Variants in CACNA2D3 observed in about 807,000 individuals in gnomAD.
The protein encoded by CACNA2D3 is calcium voltage-gated channel auxiliary subunit alpha2delta 3.
Under a neutral mutation model 160.6 loss-of-function variants are expected in CACNA2D3, and 60 were observed. That is an observed-to-expected ratio of 0.37 (90% CI 0.30 to 0.46). The LOEUF (loss-of-function observed/expected upper bound fraction) is 0.46. Ranked by LOEUF, CACNA2D3 falls within the 20% of genes least tolerant of loss-of-function variation. The probability of loss-of-function intolerance (pLI) is 1.00; values close to 1 mark genes in which losing one functional copy is unlikely to be tolerated. For missense variants in CACNA2D3, 1,205 were observed against 1,365.0 expected, an observed-to-expected ratio of 0.88 and a Z score of 1.85; for synonymous variants, 558 against 492.9, an observed-to-expected ratio of 1.13 and a Z score of -1.75.
intron 35 of CACNA2D3, among the ~76,000 whole-genome samples, chr3:55,023,189 C>T (rs1703497474): frequency 6.6e-6 from 1 of 152,046 alleles, no homozygotes; most frequent in Non-Finnish European, 1.5e-5. Context: ...TAGCCTTGTA[C>T]CTTTGTAGGT....
intron 2 of CACNA2D3, among the ~76,000 whole-genome samples, chr3:54,241,717 G>A (rs1353681011): frequency 6.6e-6 from 1 of 152,216 alleles, no homozygotes; most frequent in African/African-American, 2.4e-5. Flanking sequence ...TAGGTTGCCA[G>A]TGTAGGATAG....
intron 35 of CACNA2D3, among the ~76,000 whole-genome samples, chr3:55,033,389 G>C (rs1250567328): frequency 6.6e-6 from 1 of 151,898 alleles, no homozygotes; most frequent in African/African-American, 2.4e-5. Context: ...CTCTCCTCTA[G>C]AGGAGCAACC....
chr3:55,057,752 C>T (rs1704400390), intron 35 of CACNA2D3, among the ~76,000 whole-genome samples: 1 of 152,176 alleles, frequency 6.6e-6, no homozygotes, highest in South Asian at 2.1e-4. Context: ...CCTGTTATCT[C>T]CCACCTCCAT....
chr3:54,307,662 G>A (rs1227814102), intron 2 of CACNA2D3, among the ~76,000 whole-genome samples: 1 of 152,188 alleles, frequency 6.6e-6, no homozygotes, highest in Non-Finnish European at 1.5e-5. Context: ...TCATTCAGAT[G>A]CAGGTTCCTA....
chr3:54,437,237 C>T (rs536389007), intron 4 of CACNA2D3, among the ~76,000 whole-genome samples: 29 of 152,290 alleles, frequency 1.9e-4, no homozygotes, highest in South Asian at 1.9e-3. Context: ...AATGAGCCGT[C>T]GTAACGACTG....
At chr3:54,505,406 A>ACT in intron 5 of CACNA2D3, among the ~76,000 whole-genome samples, 1 of 152,098 alleles carries the variant, frequency 6.6e-6, no homozygotes, top group East Asian at 1.9e-4. Context: ...CCTCTTAGAG[A>ACT]AAGTGATGTG....
chr3:55,025,299 A>G lies in CACNA2D3; in HGVS notation c.2987+6982A>G, dbSNP rs776909320. ...ATTGCATTCCTGCTGTGGTCTAGAAACTGTGCTGGTGCTTTGGGGAATGCC... is the reference window on the plus strand; with the variant it reads ...ATTGCATTCCTGCTGTGGTCTAGAAGCTGTGCTGGTGCTTTGGGGAATGCC... On this transcript the variant is annotated intron_variant, in intron 35 of 37. Transcript: ENST00000474759. Among the ~76,000 whole-genome samples, 8 of 152,164 alleles carry G rather than the reference A, an allele frequency of 5.3e-5. No individual in the cohort carries two copies. In the East Asian group the frequency reaches 1.5e-3, roughly 29 times the overall value.
chr3:55,065,660 A>G (rs1704617921), intron 35 of CACNA2D3, among the ~76,000 whole-genome samples: 1 of 150,792 alleles, frequency 6.6e-6, no homozygotes, highest in Non-Finnish European at 1.5e-5. Context: ...GAGCAAGACC[A>G]TGTCGAAAGA....
At chr3:54,797,672 T>A (rs1575480354) in intron 13 of CACNA2D3, among the ~76,000 whole-genome samples, 1 of 152,198 alleles carries the variant, frequency 6.6e-6, no homozygotes, top group African/African-American at 2.4e-5. Flanking sequence ...TTAAAGCACC[T>A]TACTGATTGT....
chr3:54,906,170 A>G (rs1253644188), intron 27 of CACNA2D3, among the ~76,000 whole-genome samples: 3 of 152,124 alleles, frequency 2.0e-5, no homozygotes, highest in Non-Finnish European at 4.4e-5. Context: ...TTTGTGTGGC[A>G]GATACACACA....
At position 54,822,803 on chromosome 3, in the gene CACNA2D3, C is replaced by CT. The variant is rs1460899428; in HGVS notation, c.1398+5936dup. 2.7e-3 allele frequency among the ~76,000 whole-genome samples: 212 copies of CT among 78,790 alleles called. 5 individuals are homozygous for CT. The highest frequency in any genetic ancestry group is 0.011 in the African/African-American group (197 of 17,902). 51.7% of individuals were successfully genotyped at this position (78,790 alleles called of 152,430 possible). A position where few individuals can be genotyped will look rare whatever the true frequency, so the allele number is the denominator to read the frequency against. On this transcript the variant is annotated intron_variant, in intron 14 of 37. Transcript: ENST00000474759. ...CTTTCTTTCTTTCCTTTCTTTCTTT[C>CT]TTTCTTTCTTTCTTTCTTTCTTTCT...
At chr3:54,813,500 A>G (rs1233415806) in intron 13 of CACNA2D3, among the ~76,000 whole-genome samples, 3 of 152,162 alleles carry the variant, frequency 2.0e-5, no homozygotes, top group Non-Finnish European at 2.9e-5. Context: ...TCTAGCAGAT[A>G]TATTTTTCTC....
chr3:54,643,226 C>T (rs567231522), intron 11 of CACNA2D3, among the ~76,000 whole-genome samples: 4 of 152,288 alleles, frequency 2.6e-5, no homozygotes, highest in African/African-American at 4.8e-5. Flanking sequence ...TAAAAAGAAA[C>T]GGGAGACAAA....
intron 21 of CACNA2D3, among the ~76,000 whole-genome samples, chr3:54,881,604 G>A (rs1042742755): frequency 3.9e-5 from 6 of 152,170 alleles, no homozygotes; most frequent in Non-Finnish European, 5.9e-5. Context: ...AGGGGTGGTG[G>A]ACATTGTTTC....
chr3:54,888,705 G>A lies in CACNA2D3; in HGVS notation c.2150+653G>A, dbSNP rs1699985772. Among the ~76,000 whole-genome samples the A allele has an allele frequency of 1.4e-5, 2 of 146,682 alleles. 1 individual carries two copies. The highest frequency in any genetic ancestry group is 4.2e-4 in the South Asian group (2 of 4,816). ...TTCTTCCTTAGTTCATTCCCTCATT[G>A]TATCTTCCCTTCTATCCTGTTTCTC... On this transcript the variant is annotated intron_variant, in intron 24 of 37. Transcript: ENST00000474759.
chr3:54,228,037 G>A (rs1195376173), intron 2 of CACNA2D3, among the ~76,000 whole-genome samples: 1 of 152,158 alleles, frequency 6.6e-6, no homozygotes, highest in Non-Finnish European at 1.5e-5. Context: ...GTCCAGCAGA[G>A]CTCTGTGGAT....
At chr3:54,738,654 C>G (rs1318584632) in intron 11 of CACNA2D3, among the ~76,000 whole-genome samples, 2 of 152,168 alleles carry the variant, frequency 1.3e-5, no homozygotes, top group Non-Finnish European at 2.9e-5. Flanking sequence ...TGCAGAGCAC[C>G]CTTTGCCATC....
intron 4 of CACNA2D3, among the ~76,000 whole-genome samples, chr3:54,419,119 C>T (rs1000843822): frequency 8.5e-5 from 13 of 152,148 alleles, no homozygotes; most frequent in East Asian, 3.8e-4. Flanking sequence ...GTGACAATGC[C>T]GCCAGCAGAA....
intron 13 of CACNA2D3, among the ~76,000 whole-genome samples, chr3:54,800,381 G>C (rs888294303): frequency 6.6e-6 from 1 of 152,252 alleles, no homozygotes; most frequent in South Asian, 2.1e-4. Context: ...ACAGAGAACT[G>C]GCAGAACCTC....
Sources: allele counts gnomAD v4.1 joint callset (sites outside exome capture counted in the v4.1 genomes callset), GRCh38; gene constraint gnomAD v4.1.1; transcripts MANE v1.5; gene names NCBI Gene and HGNC (gene_info 2026-07-23, HGNC 2026-07-21).